KCNMA1: variants seen among roughly 807,000 people sequenced by gnomAD.
The protein encoded by KCNMA1 is potassium calcium-activated channel subfamily M alpha 1.
In KCNMA1, 29 loss-of-function variants were observed where a neutral mutation model predicts 140.0. The observed-to-expected ratio is 0.21, with a 90% CI of 0.15 to 0.28. The LOEUF is 0.28. Among genes scored for constraint, KCNMA1 ranks in the 10% least tolerant of loss-of-function variants. KCNMA1 has a pLI of 1.00. For synonymous variants in KCNMA1, 612 were observed against 611.9 expected, an observed-to-expected ratio of 1.00 and a Z score of 0.00; for missense variants, 880 against 1,602.2, an observed-to-expected ratio of 0.55 and a Z score of 7.70.
intron 15 of KCNMA1, among the ~76,000 whole-genome samples, chr10:77,034,636 T>C (rs1408837386): frequency 2.0e-5 from 3 of 152,162 alleles, no homozygotes; most frequent in East Asian, 3.9e-4. Context: ...ACCAGCACAG[T>C]AGCATCCATA....
chr10:77,493,647 G>A (rs1048054889), intron 1 of KCNMA1, among the ~76,000 whole-genome samples: 2 of 152,252 alleles, frequency 1.3e-5, no homozygotes, highest in Non-Finnish European at 2.9e-5. Flanking sequence ...CAACGGAGGT[G>A]CACTGGGTGG....
At chr10:77,063,955 G>A (rs2095847479) in intron 14 of KCNMA1, 13 of 985,248 alleles carry the variant, frequency 1.3e-5, no homozygotes, top group Admixed American at 1.2e-4. Context: ...CCTGCCAGCC[G>A]AGAAGGGCCA....
intron 2 of KCNMA1, among the ~76,000 whole-genome samples, chr10:77,354,861 C>A (rs1299094454): frequency 6.6e-6 from 1 of 152,174 alleles, no homozygotes; most frequent in Admixed American, 6.5e-5. Context: ...AGAACCTTTA[C>A]TGCCCAAAAA....
At chr10:77,575,513 G>T (rs7073951) in intron 1 of KCNMA1, among the ~76,000 whole-genome samples, 2,242 of 152,228 alleles carry the variant, frequency 0.015, 63 homozygotes, top group African/African-American at 0.051. Flanking sequence ...CCCACTTTCT[G>T]GTGTGCCTTC....
chr10:77,416,359 C>T (rs1214710089), intron 1 of KCNMA1, among the ~76,000 whole-genome samples: 1 of 152,132 alleles, frequency 6.6e-6, no homozygotes, highest in East Asian at 1.9e-4. Context: ...AGGGCCATAC[C>T]AACCGCCTGA....
chr10:77,103,640 A>G (rs566744610), intron 9 of KCNMA1, among the ~76,000 whole-genome samples: 2 of 152,196 alleles, frequency 1.3e-5, no homozygotes, highest in Admixed American at 6.5e-5. Context: ...ATCCACAAAA[A>G]AGGCACAATT....
At chr10:77,073,562 G>C (rs1167996487) in intron 13 of KCNMA1, among the ~76,000 whole-genome samples, 1 of 152,148 alleles carries the variant, frequency 6.6e-6, no homozygotes, top group Non-Finnish European at 1.5e-5. Flanking sequence ...AGGATGTCTA[G>C]CTAAATCATT....
chr10:77,565,049 G>A (rs1447896982), intron 1 of KCNMA1, among the ~76,000 whole-genome samples: 5 of 152,210 alleles, frequency 3.3e-5, no homozygotes, highest in East Asian at 3.8e-4. Flanking sequence ...ACTGCCTCTC[G>A]GCCAAATCGC....
chr10:77,574,265 T>C (rs1468232527), intron 1 of KCNMA1, among the ~76,000 whole-genome samples: 1 of 151,596 alleles, frequency 6.6e-6, no homozygotes, highest in Non-Finnish European at 1.5e-5. Context: ...CGTGTGTATA[T>C]ATATATATAT....
In KCNMA1 at chr10:77,510,151, A is replaced by C. The variant is rs187874329; in HGVS notation, c.379-106128T>G. On this transcript the variant is annotated intron_variant, in intron 1 of 27. Transcript: ENST00000286628. ...AGTCCTGGGGTACAATCGCAGCTCC[A>C]CAGTTGCTCAGTGATAAGATAAGCA... is the stretch of plus-strand genomic sequence containing the variant. Among the ~76,000 whole-genome samples, 108 of 152,242 alleles carry C rather than the reference A, an allele frequency of 7.1e-4. 1 individual carries two copies. The highest frequency in any genetic ancestry group is 2.4e-3 in the African/African-American group (99 of 41,558).
intron 2 of KCNMA1, among the ~76,000 whole-genome samples, chr10:77,281,316 G>C (rs887759234): frequency 1.6e-4 from 25 of 152,178 alleles, no homozygotes; most frequent in African/African-American, 5.8e-4. Context: ...CCCTCTGGCT[G>C]ACACAGCACC....
chr10:77,238,449 A>G, intron 3 of KCNMA1, among the ~76,000 whole-genome samples: 1 of 152,218 alleles, frequency 6.6e-6, no homozygotes, highest in East Asian at 1.9e-4. Flanking sequence ...AAGAGCTCTT[A>G]GGCTTGGCCT....
At chr10:77,600,833 TAGTC>T (rs1339516103) in intron 1 of KCNMA1, among the ~76,000 whole-genome samples, 1 of 152,038 alleles carries the variant, frequency 6.6e-6, no homozygotes, top group Non-Finnish European at 1.5e-5. Flanking sequence ...CAAGGTCACA[TAGTC>T]AGTAGGTGAC....
chr10:76,927,821 C>T (rs898148077), intron 23 of KCNMA1, among the ~76,000 whole-genome samples: 2 of 152,146 alleles, frequency 1.3e-5, no homozygotes, highest in African/African-American at 4.8e-5. Context: ...AATTAGCAAA[C>T]ATTACCCAGC....
intron 16 of KCNMA1, 157 bp from the exon 17 acceptor site, chr10:77,019,256 C>T (rs1484295260): frequency 1.6e-6 from 1 of 638,490 alleles, no homozygotes; most frequent in Non-Finnish European, 2.8e-6. Flanking sequence ...TCCACTGCCC[C>T]ATACATTTAG....
At chr10:76,975,904 G>C (rs1239013151) in intron 19 of KCNMA1, among the ~76,000 whole-genome samples, 1 of 152,048 alleles carries the variant, frequency 6.6e-6, no homozygotes, top group African/African-American at 2.4e-5. Flanking sequence ...CTGACATCAC[G>C]GCTAACATTA....
chr10:77,519,470 C>T (rs976467571), intron 1 of KCNMA1, among the ~76,000 whole-genome samples: 2 of 151,218 alleles, frequency 1.3e-5, no homozygotes, highest in South Asian at 4.2e-4. Flanking sequence ...ACGTGTCAGT[C>T]AACACTCCAC....
chr10:77,094,692 TTTATA>T lies in KCNMA1; in HGVS notation c.1224-4187_1224-4183del, dbSNP rs747329781. ...AAAGTGATGCAAATGTCCATTTTATTTTATATTATATTTTATTTATTTTTTAGAGA... is the reference window on the plus strand; with the variant it reads ...AAAGTGATGCAAATGTCCATTTTATTTTATATTTTATTTATTTTTTAGAGA... On this transcript the variant is annotated intron_variant, in intron 9 of 27. Transcript: ENST00000286628. Among the ~76,000 whole-genome samples the T allele has an allele frequency of 9.2e-5, 14 of 152,208 alleles. No homozygotes were observed. The South Asian group carries it at 1.2e-3, about 14-fold the overall frequency.
At chr10:77,497,242 G>A (rs1358576081) in intron 1 of KCNMA1, among the ~76,000 whole-genome samples, 2 of 152,194 alleles carry the variant, frequency 1.3e-5, no homozygotes, top group Non-Finnish European at 2.9e-5. Flanking sequence ...AAAGTCCAAT[G>A]GGGACTCCCT....
Sources: allele counts gnomAD v4.1 joint callset (sites outside exome capture counted in the v4.1 genomes callset), GRCh38; gene constraint gnomAD v4.1.1; transcripts MANE v1.5; gene names NCBI Gene and HGNC (gene_info 2026-07-23, HGNC 2026-07-21).